Variants in CADM4 observed in about 807,000 individuals in gnomAD.
CADM4 encodes TSLC1-like 2.
In CADM4, 13 loss-of-function variants were observed where a neutral mutation model predicts 43.9. The ratio of observed to expected loss-of-function variants is 0.30; its 90% CI spans 0.19 to 0.47. CADM4 has a LOEUF of 0.47. CADM4 is among the 20% of genes least tolerant of loss of function. The pLI, the probability that CADM4 is intolerant of heterozygous loss-of-function variation, is 1.00. For missense variants in CADM4, 420 were observed against 527.0 expected, an observed-to-expected ratio of 0.80 and a Z score of 1.99; for synonymous variants, 209 against 220.9, an observed-to-expected ratio of 0.95 and a Z score of 0.48.
rs749911069 is a variant in CADM4 at position 43,625,880 on chromosome 19, C to T, written c.755+31G>A. The T allele has an allele frequency of 6.3e-7, 1 of 1,592,046 alleles. No individual in the cohort carries two copies. Among genetic ancestry groups the T allele is most frequent in the Non-Finnish European group, 8.6e-7 (1 of 1,160,334 alleles). Reference sequence around the variant, plus strand: ...TCTTCCAGGTCCCCAGCTTTCTCCTCCTGAGGACGCAGGAGGCCCCCAGAG... The same window carrying T: ...TCTTCCAGGTCCCCAGCTTTCTCCTTCTGAGGACGCAGGAGGCCCCCAGAG... On this transcript the variant is annotated intron_variant, in intron 6 of 8. Transcript: ENST00000222374. The surrounding 1 kb of genome is among the most constrained non-coding windows in gnomAD (Gnocchi z 4.5).
chr19:43,640,133 A>G (rs1973757919), upstream of CADM4, among the ~76,000 whole-genome samples: 1 of 146,226 alleles, frequency 6.8e-6, no homozygotes, highest in Non-Finnish European at 1.5e-5. Flanking sequence ...GTGCGGGCCC[A>G]GGTGCTGCGC....
At position 43,627,497 on chromosome 19, in the gene CADM4, G is replaced by T; in HGVS notation, c.211+147C>A. The stretch of plus-strand genomic sequence containing the variant: ...CAGCATTATTCAAGTCCTCCTGCCT[G>T]CAGGACCAGCAGTCCGGGACCCCAG... On this transcript the variant is annotated intron_variant, in intron 2 of 8. Transcript: ENST00000222374. This position sits in a 1 kb window ranked among gnomAD's most constrained non-coding sequence, Gnocchi z 4.0. 1 of 1,181,972 alleles carries T rather than the reference G, an allele frequency of 8.5e-7. No homozygotes were observed. The highest frequency in any genetic ancestry group is 1.6e-5 in the South Asian group (1 of 61,370). The allele number at this position is 1,181,972 out of a possible 1,614,324, so 73.2% of individuals were successfully genotyped here. A position where few individuals can be genotyped will look rare whatever the true frequency, so the allele number is the denominator to read the frequency against.
At position 43,625,017 on chromosome 19, in the gene CADM4, G is replaced by GCC; in HGVS notation, c.928+59_928+60dup. The stretch of plus-strand genomic sequence containing the variant: ...TGAGTTATGTGGCCTCTTTGCTCAA[G>GCC]CCCCGCCCCCGCCACCTGGCGCCCC... On this transcript the variant is annotated intron_variant, in intron 7 of 8. Coordinates refer to ENST00000222374, the MANE Select transcript of CADM4 (RefSeq NM_145296.2). The surrounding 1 kb of genome is among the most constrained non-coding windows in gnomAD (Gnocchi z 4.5). 1 of 1,423,300 alleles carries GCC rather than the reference G, an allele frequency of 7.0e-7. No individual in the cohort carries two copies. The highest frequency in any genetic ancestry group is 2.6e-5 in the East Asian group (1 of 38,840). 88.2% of individuals were successfully genotyped at this position (1,423,300 alleles called of 1,614,324 possible). A position where few individuals can be genotyped will look rare whatever the true frequency, so the allele number is the denominator to read the frequency against.
Position 43,625,108 on chromosome 19 carries a change from C to T in CADM4, c.898G>A (p.Ala300Thr), listed in dbSNP as rs747398971. The change falls in exon 7 of 9, where the codon GCG becomes ACG. Residue 300 changes from alanine to threonine, a missense_variant. By Grantham distance (58) the Ala-to-Thr change is moderately conservative. Transcript: ENST00000222374. This position sits in a 1 kb window ranked among gnomAD's most constrained non-coding sequence, Gnocchi z 4.5. ...ACCACAAGTACGTAGAGCGCCCTCG[C>T]ATGGCCGTGCTTATTGGACGCCTCG... ...TCEASNKHGHARALYVLVVYD... is the reference protein window; with the variant it reads ...TCEASNKHGHTRALYVLVVYD... 1 of 1,613,428 alleles carries T rather than the reference C, an allele frequency of 6.2e-7. No individual in the cohort carries two copies. The highest frequency in any genetic ancestry group is 1.1e-5 in the South Asian group (1 of 91,010).
At chr19:43,629,817 A>G (rs1187602023) in intron 1 of CADM4, among the ~76,000 whole-genome samples, 1 of 151,990 alleles carries the variant, frequency 6.6e-6, no homozygotes, top group Non-Finnish European at 1.5e-5. Flanking sequence ...GAGTTTAGCC[A>G]TATTGGCCTG....
intron 1 of CADM4, among the ~76,000 whole-genome samples, chr19:43,639,020 CAGAA>C (rs1180768423): frequency 3.3e-5 from 5 of 151,512 alleles, no homozygotes; most frequent in Non-Finnish European, 7.4e-5. Flanking sequence ...AGACAGGTGA[CAGAA>C]AGGGTTAGAG....
chr19:43,637,311 C>A (rs981217336), intron 1 of CADM4, among the ~76,000 whole-genome samples: 1 of 152,122 alleles, frequency 6.6e-6, no homozygotes, highest in African/African-American at 2.4e-5. Flanking sequence ...ACAACAGATA[C>A]CCCCTAAAAT....
chr19:43,628,702 G>A (rs1973571339), intron 1 of CADM4, among the ~76,000 whole-genome samples: 1 of 152,222 alleles, frequency 6.6e-6, no homozygotes, highest in Non-Finnish European at 1.5e-5. Flanking sequence ...GTGATATTGA[G>A]CCTAGGCCTG....
At chr19:43,628,271 A>AC (rs1316610479) in intron 1 of CADM4, among the ~76,000 whole-genome samples, 2 of 146,158 alleles carry the variant, frequency 1.4e-5, no homozygotes, top group South Asian at 2.1e-4. Flanking sequence ...TAAAAATACA[A>AC]AAAAAAAAAA....
rs1973505203 is a variant in CADM4 at position 43,625,243 on chromosome 19, G to C, written c.763C>G (p.Gln255Glu). 1 of 1,613,736 alleles carries C rather than the reference G, an allele frequency of 6.2e-7. No individual in the cohort carries two copies. Among genetic ancestry groups the C allele is most frequent in the Non-Finnish European group, 8.5e-7 (1 of 1,179,852 alleles). The change falls in exon 7 of 9, where the codon CAG (glutamine) becomes GAG (glutamate). Residue 255 changes from glutamine to glutamate, a missense_variant. Gln to Glu is a conservative substitution (Grantham distance 29). Transcript: ENST00000222374. The surrounding 1 kb of genome is among the most constrained non-coding windows in gnomAD (Gnocchi z 4.5). ...CAVTGNPRPN[Q>E]IRWNRGNESL... ...TCATTCCCGCGGTTCCAGCGGATCT[G>C]GTTTGGCCTGGGTGGGGATAAAGTA...
In CADM4 at chr19:43,625,574, T is replaced by TA. The variant is rs1037613041; in HGVS notation, c.756-325dup. 5.2e-5 allele frequency among the ~76,000 whole-genome samples: 7 copies of TA among 134,830 alleles called. No individual in the cohort carries two copies. The East Asian group carries it at 8.5e-4, about 16-fold the overall frequency. The allele number at this position is 134,830 out of a possible 152,430, so 88.5% of individuals were successfully genotyped here. ...CACAGGGAGACCCCGTCACTACAAT[T>TA]AAAAAATAATAATAATAATAATAAT... On this transcript the variant is annotated intron_variant, in intron 6 of 8. Transcript: ENST00000222374. This position sits in a 1 kb window ranked among gnomAD's most constrained non-coding sequence, Gnocchi z 4.5.
chr19:43,631,500 C>T (rs997532133), intron 1 of CADM4, among the ~76,000 whole-genome samples: 1 of 152,048 alleles, frequency 6.6e-6, no homozygotes, highest in Non-Finnish European at 1.5e-5. Context: ...TTTTCCCTTT[C>T]TCCTCAGTAA....
chr19:43,634,980 GTC>G (rs1973680712), intron 1 of CADM4, among the ~76,000 whole-genome samples: 1 of 150,968 alleles, frequency 6.6e-6, no homozygotes, highest in Admixed American at 6.6e-5. Context: ...AGTCTGGGCT[GTC>G]AGCAGCCCCT....
chr19:43,629,317 C>A (rs1973581899), intron 1 of CADM4, among the ~76,000 whole-genome samples: 1 of 152,248 alleles, frequency 6.6e-6, no homozygotes, highest in Admixed American at 6.5e-5. Flanking sequence ...AAGAAATATA[C>A]CTTTTTGTTA....
intron 1 of CADM4, among the ~76,000 whole-genome samples, chr19:43,628,403 C>T (rs1973565885): frequency 6.6e-6 from 1 of 151,404 alleles, no homozygotes; most frequent in Non-Finnish European, 1.5e-5. Context: ...CCACTGCACT[C>T]CAGGCTGGGC....
At chr19:43,640,293 G>C (rs541800523), upstream of CADM4, among the ~76,000 whole-genome samples, 2 of 151,786 alleles carry the variant, frequency 1.3e-5, no homozygotes, top group Non-Finnish European at 2.9e-5. Context: ...CGTGACGGGG[G>C]AGCGTAAGGG....
intron 1 of CADM4, among the ~76,000 whole-genome samples, chr19:43,628,833 G>A (rs1041658714): frequency 6.6e-6 from 1 of 152,164 alleles, no homozygotes; most frequent in Non-Finnish European, 1.5e-5. Flanking sequence ...AGCACCAATC[G>A]CCAGCTGTGT....
At position 43,627,555 on chromosome 19, in the gene CADM4, T is replaced by C; in HGVS notation, c.211+89A>G. 1.4e-6 allele frequency: 2 copies of C among 1,458,068 alleles called. No individual in the cohort carries two copies. Among genetic ancestry groups the C allele is most frequent in the Non-Finnish European group, 1.9e-6 (2 of 1,076,054 alleles). The allele number at this position is 1,458,068 out of a possible 1,614,324, so 90.3% of individuals were successfully genotyped here. The stretch of plus-strand genomic sequence containing the variant: ...TTCTCCGAGACCCAGGAGACCAAAC[T>C]CTCAGGTGTGTCCTCTTTCAGGACA... On this transcript the variant is annotated intron_variant, in intron 2 of 8. Transcript: ENST00000222374. This position sits in a 1 kb window ranked among gnomAD's most constrained non-coding sequence, Gnocchi z 4.0.
In CADM4 at chr19:43,626,170, C is replaced by T. The variant is rs779429535; in HGVS notation, c.618G>A (p.Leu206=). 5.6e-6 allele frequency: 9 copies of T among 1,613,820 alleles called. No homozygotes were observed. In the African/African-American group the frequency reaches 9.3e-5, roughly 17 times the overall value. ...GCGTCTGCTTGCTGTGTCCGGAGGG[C>T]AGCGCCTGGTTCTGCGCCTCACAGA... ...IIICEAQNQA[L]PSGHSKQTQY... The change falls in exon 5 of 9, where the codon CTG becomes CTA. Residue 206 remains leucine (L), a synonymous_variant. Coordinates refer to ENST00000222374, the MANE Select transcript of CADM4 (RefSeq NM_145296.2). The surrounding 1 kb of genome is among the most constrained non-coding windows in gnomAD (Gnocchi z 5.9).
Sources: allele counts gnomAD v4.1 joint callset (sites outside exome capture counted in the v4.1 genomes callset), GRCh38; gene constraint gnomAD v4.1.1; non-coding constraint Gnocchi (gnomAD v3.1); transcripts MANE v1.5; gene names NCBI Gene and HGNC (gene_info 2026-07-23, HGNC 2026-07-21).